The following TANC2 variants were observed in gnomAD, a reference collection of about 807,000 sequenced individuals.
The protein encoded by TANC2 is protein TANC2.
TANC2 carries 26 observed loss-of-function variants against 210.5 expected under a neutral mutation model. The ratio of observed to expected loss-of-function variants is 0.12; its 90% CI spans 0.09 to 0.17. The LOEUF (loss-of-function observed/expected upper bound fraction) is 0.17. Ranked by LOEUF, TANC2 falls within the 10% of genes least tolerant of loss-of-function variation. TANC2 has a pLI of 1.00. For missense variants in TANC2, 2,129 were observed against 2,608.9 expected, an observed-to-expected ratio of 0.82 and a Z score of 4.01; for synonymous variants, 931 against 967.1, an observed-to-expected ratio of 0.96 and a Z score of 0.69.
intron 15 of TANC2, among the ~76,000 whole-genome samples, chr17:63,380,945 G>GC (rs1008865120): frequency 3.3e-5 from 5 of 152,098 alleles, no homozygotes; most frequent in Non-Finnish European, 7.4e-5. Flanking sequence ...AAAATAACTG[G>GC]CAAGGTATGG....
Position 63,108,726 on chromosome 17 carries a change from T to G in TANC2, c.322+9369T>G, listed in dbSNP as rs554050400. Among the ~76,000 whole-genome samples, 9 of 151,710 alleles carry G rather than the reference T, an allele frequency of 5.9e-5. No individual in the cohort carries two copies. In the South Asian group the frequency reaches 1.9e-3, roughly 31 times the overall value. ...TGGGAGGCTGAGGCAGGAGAATCCC[T>G]TGAACCCGTGAGGCAGAGGTTGCAG... On this transcript the variant is annotated intron_variant, in intron 4 of 27. Transcript: ENST00000689528.
At chr17:63,315,351 A>C (rs2045281557) in intron 10 of TANC2, among the ~76,000 whole-genome samples, 1 of 152,196 alleles carries the variant, frequency 6.6e-6, no homozygotes, top group African/African-American at 2.4e-5. Context: ...TTTCACAGGT[A>C]AGTAATCTGA....
chr17:63,408,342 A>G (rs534599455), intron 21 of TANC2, among the ~76,000 whole-genome samples: 1 of 152,210 alleles, frequency 6.6e-6, no homozygotes, highest in South Asian at 2.1e-4. Flanking sequence ...GAGAAAGAAA[A>G]GAGAGAAGAG....
intron 7 of TANC2, among the ~76,000 whole-genome samples, chr17:63,219,377 A>G (rs2042108319): frequency 6.6e-6 from 1 of 152,208 alleles, no homozygotes; most frequent in South Asian, 2.1e-4. Context: ...CAGATATGTA[A>G]CAATCTGGAT....
At chr17:63,052,035 TG>T (rs1269422925) in intron 2 of TANC2, among the ~76,000 whole-genome samples, 1 of 152,180 alleles carries the variant, frequency 6.6e-6, no homozygotes, top group African/African-American at 2.4e-5. Flanking sequence ...AATAACGTGC[TG>T]AAGAAGCACA....
chr17:63,386,629 G>A (rs968598159), intron 15 of TANC2, among the ~76,000 whole-genome samples: 10 of 152,056 alleles, frequency 6.6e-5, no homozygotes, highest in East Asian at 3.9e-4. Flanking sequence ...TAAATTTTAC[G>A]TTGTTTATAT....
At position 63,416,382 on chromosome 17, in the gene TANC2, C is replaced by A. The variant is rs115232771; in HGVS notation, c.4167+708C>A. Among the ~76,000 whole-genome samples the A allele has an allele frequency of 4.1e-3, 624 of 152,304 alleles. 5 individuals are homozygous for A. Among genetic ancestry groups the A allele is most frequent in the African/African-American group, 0.014 (589 of 41,558 alleles). ...AAATAGCTAAGATTGTGTCAGGAGT[C>A]TCTGACATCTACCTGCCTGAGGTCT... On this transcript the variant is annotated intron_variant, in intron 26 of 27. Coordinates refer to ENST00000689528, the Ensembl canonical transcript of TANC2.
chr17:63,132,737 T>G (rs1185273447), intron 4 of TANC2, among the ~76,000 whole-genome samples: 1 of 152,208 alleles, frequency 6.6e-6, no homozygotes, highest in Non-Finnish European at 1.5e-5. Flanking sequence ...CAGAGAAATA[T>G]GATTCTTTAC....
intron 5 of TANC2, among the ~76,000 whole-genome samples, chr17:63,171,614 C>T (rs1035231043): frequency 6.6e-6 from 1 of 152,128 alleles, no homozygotes; most frequent in East Asian, 1.9e-4. Context: ...CTTTAAAATA[C>T]AGTCTAGATT....
chr17:63,291,116 C>T (rs949703987), intron 9 of TANC2, among the ~76,000 whole-genome samples: 1 of 152,144 alleles, frequency 6.6e-6, no homozygotes, highest in African/African-American at 2.4e-5. Flanking sequence ...ATTATAAGTG[C>T]CTTGGCTAGT....
At chr17:63,041,113 C>T (rs577876525) in intron 2 of TANC2, among the ~76,000 whole-genome samples, 2 of 152,136 alleles carry the variant, frequency 1.3e-5, no homozygotes, top group East Asian at 3.9e-4. Flanking sequence ...CTAGTAGTCT[C>T]CATAGTACTC....
intron 1 of TANC2, among the ~76,000 whole-genome samples, chr17:62,986,569 G>A (rs1407644812): frequency 6.6e-6 from 1 of 151,560 alleles, no homozygotes; most frequent in Non-Finnish European, 1.5e-5. Flanking sequence ...CTGCTTGGCT[G>A]GCCAGAGGCT....
At chr17:63,195,217 T>A (rs940129736) in intron 6 of TANC2, among the ~76,000 whole-genome samples, 1 of 152,164 alleles carries the variant, frequency 6.6e-6, no homozygotes, top group African/African-American at 2.4e-5. Flanking sequence ...TAGCCCTGCC[T>A]TTTCCCCTTT....
intron 7 of TANC2, among the ~76,000 whole-genome samples, chr17:63,220,209 C>CCCA (rs2042132350): frequency 6.6e-6 from 1 of 151,672 alleles, no homozygotes; most frequent in Non-Finnish European, 1.5e-5. Flanking sequence ...GCAGGAGAAT[C>CCCA]GCTTGAACCC....
chr17:63,084,287 C>A (rs1316394249), intron 3 of TANC2, among the ~76,000 whole-genome samples: 1 of 151,978 alleles, frequency 6.6e-6, no homozygotes, highest in African/African-American at 2.4e-5. Flanking sequence ...TATAATATTC[C>A]TGTATTATCC....
intron 2 of TANC2, among the ~76,000 whole-genome samples, chr17:63,038,902 A>G (rs1038318828): frequency 5.9e-5 from 9 of 152,112 alleles, no homozygotes; most frequent in South Asian, 2.1e-4. Flanking sequence ...GTTTCTTCCA[A>G]TTTTTTAATT....
At chr17:63,413,927 C>T (rs2048783595) in intron 25 of TANC2, among the ~76,000 whole-genome samples, 1 of 152,144 alleles carries the variant, frequency 6.6e-6, no homozygotes, top group Admixed American at 6.5e-5. Context: ...TCTGGAAACT[C>T]ATGAGACAAG....
intron 2 of TANC2, among the ~76,000 whole-genome samples, chr17:63,031,443 T>C (rs774907474): frequency 9.2e-5 from 14 of 152,154 alleles, no homozygotes; most frequent in Non-Finnish European, 1.5e-4. Flanking sequence ...CTTCAAAAAT[T>C]TACATCACAC....
At chr17:62,982,931 C>T (rs1167164285) in intron 1 of TANC2, among the ~76,000 whole-genome samples, 1 of 152,126 alleles carries the variant, frequency 6.6e-6, no homozygotes, top group Non-Finnish European at 1.5e-5. Flanking sequence ...CTCAGAATTG[C>T]TTTGGCTATT....
Sources: gnomAD v4.1 joint callset for allele counts (sites outside exome capture counted in the v4.1 genomes callset) on GRCh38, gnomAD v4.1.1 for gene constraint, MANE v1.5 for transcripts, NCBI Gene and HGNC (gene_info 2026-07-23, HGNC 2026-07-21) for gene names.